The following PIAS1 variants were observed in gnomAD, a reference collection of about 807,000 sequenced individuals.
PIAS1 encodes the protein protein inhibitor of activated STAT 1, also known as E3 SUMO-protein ligase PIAS1.
PIAS1 carries 6 observed loss-of-function variants against 71.3 expected under a neutral mutation model. That is an observed-to-expected ratio of 0.08 (90% CI 0.05 to 0.17). The LOEUF is 0.17. Ranked by LOEUF, PIAS1 falls within the 10% of genes least tolerant of loss-of-function variation. The pLI is 1.00. For missense variants in PIAS1, 555 were observed against 793.6 expected (o/e 0.70, Z 3.61); for synonymous variants, 303 against 292.9 (o/e 1.03, Z -0.35).
intron 8 of PIAS1, among the ~76,000 whole-genome samples, chr15:68,168,553 T>C (rs1422684212): frequency 2.0e-5 from 3 of 152,136 alleles, no homozygotes; most frequent in Non-Finnish European, 4.4e-5. Context: ...TTGTGTCCTA[T>C]AAAGGGAAAG....
At chr15:68,160,318 T>A (rs189678450) in intron 7 of PIAS1, among the ~76,000 whole-genome samples, 1 of 152,168 alleles carries the variant, frequency 6.6e-6, no homozygotes, top group East Asian at 1.9e-4. Flanking sequence ...ATTCATTTTT[T>A]CCCCCACATA....
intron 12 of PIAS1, among the ~76,000 whole-genome samples, chr15:68,183,085 A>G (rs1029871739): frequency 2.0e-5 from 3 of 152,212 alleles, no homozygotes; most frequent in African/African-American, 7.2e-5. Context: ...TTCTTATGTA[A>G]TAGTAGCCAG....
At chr15:68,136,736 GGAGATTGTTGACAGATTGGACCAC>G (rs1227767337) in intron 2 of PIAS1, among the ~76,000 whole-genome samples, 1 of 152,124 alleles carries the variant, frequency 6.6e-6, no homozygotes, top group Non-Finnish European at 1.5e-5. Flanking sequence ...GAATTTAAAA[GGAGATTGTTGACAGATTGGACCAC>G]ATAAAAATCT....
intron 2 of PIAS1, among the ~76,000 whole-genome samples, chr15:68,131,067 G>A (rs868136145): frequency 6.6e-6 from 1 of 152,188 alleles, no homozygotes; most frequent in Admixed American, 6.5e-5. Flanking sequence ...ATTACTGAAT[G>A]ACAGAACTGG....
intron 7 of PIAS1, among the ~76,000 whole-genome samples, chr15:68,157,337 T>A (rs1459670207): frequency 6.6e-6 from 1 of 152,058 alleles, no homozygotes; most frequent in African/African-American, 2.4e-5. Context: ...CTGTCAAGAC[T>A]CTTTTATCTT....
chr15:68,117,213 G>A (rs12912799), intron 2 of PIAS1, among the ~76,000 whole-genome samples: 72,489 of 151,740 alleles, frequency 0.48, 18,141 homozygotes, highest in Middle Eastern at 0.56. Context: ...TCAGCCTCCC[G>A]AGTAGCTGGG....
At chr15:68,129,548 A>G (rs1269422425) in intron 2 of PIAS1, among the ~76,000 whole-genome samples, 1 of 152,160 alleles carries the variant, frequency 6.6e-6, no homozygotes, top group Admixed American at 6.5e-5. Context: ...ATGAAAAGCC[A>G]AAAGAAAACA....
rs982126204 is a variant in PIAS1, at chr15:68,171,923, A to G, written c.1009-1809A>G. On this transcript the variant is annotated intron_variant, in intron 8 of 13. Transcript: ENST00000249636. The surrounding 1 kb of genome is among the most constrained non-coding windows in gnomAD (Gnocchi z 4.4). ...TTTCATATATATTTTTTTCTTTTAT[A>G]TGTTTTATATATATATAAAATACTT... 6.6e-6 allele frequency among the ~76,000 whole-genome samples: 1 copy of G among 151,434 alleles called. No homozygotes were observed. The highest frequency in any genetic ancestry group is 1.5e-5 in the Non-Finnish European group (1 of 67,870).
intron 2 of PIAS1, among the ~76,000 whole-genome samples, chr15:68,137,911 G>A (rs1346647667): frequency 1.3e-5 from 2 of 152,188 alleles, no homozygotes; most frequent in African/African-American, 4.8e-5. Flanking sequence ...GGGAGGCCAA[G>A]GTGGGAGGAT....
At chr15:68,076,239 G>A (rs1044123104) in intron 1 of PIAS1, among the ~76,000 whole-genome samples, 2 of 152,082 alleles carry the variant, frequency 1.3e-5, no homozygotes, top group Non-Finnish European at 2.9e-5. Flanking sequence ...GGCTGGGCGC[G>A]GTGGCTCACG....
chr15:68,123,313 G>T (rs1409634967), intron 2 of PIAS1, among the ~76,000 whole-genome samples: 1 of 152,072 alleles, frequency 6.6e-6, no homozygotes, highest in Non-Finnish European at 1.5e-5. Flanking sequence ...TGGCCACCCA[G>T]AGTGCTGGGA....
chr15:68,116,398 T>C (rs959625774), intron 2 of PIAS1, among the ~76,000 whole-genome samples: 10 of 152,098 alleles, frequency 6.6e-5, no homozygotes, highest in African/African-American at 2.4e-4. Context: ...ATTAATAATA[T>C]TCTCTTCACA....
intron 1 of PIAS1, among the ~76,000 whole-genome samples, chr15:68,079,454 C>A (rs1389693137): frequency 6.6e-6 from 1 of 151,828 alleles, no homozygotes; most frequent in East Asian, 1.9e-4. Flanking sequence ...TAAACTAAGC[C>A]CTTTAAAATT....
Position 68,173,751 on chromosome 15 carries a change from C to A in PIAS1, c.1028C>A (p.Thr343Lys), listed in dbSNP as rs1347129793. Residue 343 changes from threonine (T) to lysine (K), a missense_variant, in exon 9 of 14, where the codon ACA becomes AAA. Thr to Lys is a moderately conservative substitution (Grantham distance 78). Coordinates refer to ENST00000249636, the MANE Select transcript of PIAS1 (RefSeq NM_016166.3). The surrounding 1 kb of genome is among the most constrained non-coding windows in gnomAD (Gnocchi z 4.3). Reference sequence around the variant, plus strand: ...TTAAAGCTTGGTAAAATGCGGCTGACAATTCCGTGTCGGGCCCTTACATGT... The same window carrying A: ...TTAAAGCTTGGTAAAATGCGGCTGAAAATTCCGTGTCGGGCCCTTACATGT... ...LLCPLGKMRL[T>K]IPCRALTCSH... 1 of 1,546,868 alleles carries A rather than the reference C, an allele frequency of 6.5e-7. No homozygotes were observed. Among genetic ancestry groups the A allele is most frequent in the Non-Finnish European group, 8.8e-7 (1 of 1,137,452 alleles).
chr15:68,134,998 G>A (rs1215787400), intron 2 of PIAS1, among the ~76,000 whole-genome samples: 1 of 49,930 alleles, frequency 2.0e-5, no homozygotes, highest in African/African-American at 4.1e-5. Flanking sequence ...CCCGGACGGG[G>A]CGGCTGGCCG....
rs186494313 is a variant in PIAS1 at position 68,085,969 on chromosome 15, A to C, written c.25-337A>C. Among the ~76,000 whole-genome samples, 30 of 152,296 alleles carry C rather than the reference A, an allele frequency of 2.0e-4. No individual in the cohort carries two copies. In the East Asian group the frequency reaches 2.9e-3, roughly 15 times the overall value. On this transcript the variant is annotated intron_variant, in intron 1 of 13. Transcript: ENST00000249636. ...TTTTGCCATCTACATAGCACTCGAC[A>C]TTCTCCTGGAGACTCAGTAAGTGCT...
At chr15:68,072,897 C>A (rs1047962056) in intron 1 of PIAS1, among the ~76,000 whole-genome samples, 2 of 152,038 alleles carry the variant, frequency 1.3e-5, no homozygotes, top group Non-Finnish European at 2.9e-5. Flanking sequence ...TCAGTTTTGC[C>A]CTTAAAACTA....
intron 6 of PIAS1, among the ~76,000 whole-genome samples, chr15:68,147,918 A>G (rs572241861): frequency 2.0e-5 from 3 of 152,068 alleles, no homozygotes; most frequent in Admixed American, 2.0e-4. Context: ...TTTTGGGACA[A>G]TTTTCATGAT....
chr15:68,105,458 T>C (rs1250218462), intron 2 of PIAS1, among the ~76,000 whole-genome samples: 1 of 152,138 alleles, frequency 6.6e-6, no homozygotes, highest in East Asian at 1.9e-4. Flanking sequence ...TTTCCCACCA[T>C]ATGATCTAGG....
Sources: allele counts gnomAD v4.1 joint callset (sites outside exome capture counted in the v4.1 genomes callset), GRCh38; gene constraint gnomAD v4.1.1; non-coding constraint Gnocchi (gnomAD v3.1); transcripts MANE v1.5; gene names NCBI Gene and HGNC (gene_info 2026-07-23, HGNC 2026-07-21).